EFNB2: variants seen among roughly 807,000 people sequenced by gnomAD.
EFNB2 encodes ephrin B2, also known as ephrin-B2.
In EFNB2, 5 loss-of-function variants were observed where a neutral mutation model predicts 32.1. The observed-to-expected ratio is 0.16, with a 90% CI of 0.08 to 0.33. The LOEUF (loss-of-function observed/expected upper bound fraction) is 0.33, where lower values mean the gene tolerates loss of function less well. Among genes scored for constraint, EFNB2 ranks in the 10% least tolerant of loss-of-function variants. The pLI is 1.00. For synonymous variants in EFNB2, 168 were observed against 166.5 expected (o/e 1.01, Z -0.07); for missense variants, 263 against 422.6 (o/e 0.62, Z 3.31).
At position 106,535,265 on chromosome 13, in the gene EFNB2, G is replaced by C. The variant is rs984367264; in HGVS notation, c.-301C>G. ...ACTCCCGTGCGGCTCCAGGGTGCCGGGCCGGCCGCGGCTGGCGGGTGGGCG... is the reference window on the plus strand; with the variant it reads ...ACTCCCGTGCGGCTCCAGGGTGCCGCGCCGGCCGCGGCTGGCGGGTGGGCG... On this transcript the variant is annotated 5_prime_UTR_variant, in exon 1 of 5. Transcript: ENST00000646441. The C allele has an allele frequency of 6.7e-6, 1 of 149,490 alleles. No homozygotes were observed. The highest frequency in any genetic ancestry group is 2.4e-5 in the African/African-American group (1 of 41,024). 9.3% of individuals were successfully genotyped at this position (149,490 alleles called of 1,614,324 possible). A position where few individuals can be genotyped will look rare whatever the true frequency, so the allele number is the denominator to read the frequency against.
chr13:106,534,965 G>T lies in EFNB2; in HGVS notation c.-1C>A. On this transcript the variant is annotated 5_prime_UTR_variant, in exon 1 of 5. Transcript: ENST00000646441. The stretch of plus-strand genomic sequence containing the variant: ...ACACGGAGTCCCTTCTCACAGCCAT[G>T]GCGAAGCCACTCCCAGCTCCGCGCA... The T allele has an allele frequency of 6.2e-7, 1 of 1,612,976 alleles. No homozygotes were observed. Among genetic ancestry groups the T allele is most frequent in the Non-Finnish European group, 8.5e-7 (1 of 1,179,418 alleles).
At chr13:106,508,185 G>T (rs1879022423) in intron 2 of EFNB2, among the ~76,000 whole-genome samples, 1 of 152,102 alleles carries the variant, frequency 6.6e-6, no homozygotes, top group Non-Finnish European at 1.5e-5. Context: ...CCTCTGAAAA[G>T]AAACTAAACC....
chr13:106,513,266 T>TA (rs1485469208), intron 1 of EFNB2, among the ~76,000 whole-genome samples: 1 of 152,234 alleles, frequency 6.6e-6, no homozygotes, highest in Non-Finnish European at 1.5e-5. Context: ...GTTGTCCTGT[T>TA]AGTTTCCCTG....
intron 2 of EFNB2, 133 bp from the exon 3 acceptor site, chr13:106,495,973 T>C (rs1477525008): frequency 1.1e-5 from 9 of 856,384 alleles, no homozygotes; most frequent in Non-Finnish European, 1.6e-5. Flanking sequence ...ACAAGTTTTC[T>C]GAAAGTATGG....
At chr13:106,522,292 C>T (rs1483101153) in intron 1 of EFNB2, among the ~76,000 whole-genome samples, 1 of 152,186 alleles carries the variant, frequency 6.6e-6, no homozygotes, top group African/African-American at 2.4e-5. Flanking sequence ...GGCTTCTTTC[C>T]CAACTGTAAT....
chr13:106,509,627 C>CTG (rs34068695), intron 2 of EFNB2, among the ~76,000 whole-genome samples: 11,826 of 142,524 alleles, frequency 0.083, 516 homozygotes, highest in South Asian at 0.16. Flanking sequence ...CAGAGCTTGA[C>CTG]TGTGTGTGTG....
At chr13:106,525,685 C>T (rs992962725) in intron 1 of EFNB2, among the ~76,000 whole-genome samples, 2 of 152,206 alleles carry the variant, frequency 1.3e-5, no homozygotes, top group Non-Finnish European at 2.9e-5. Flanking sequence ...GAGGCAAATG[C>T]CATTCCCTTC....
At position 106,535,018 on chromosome 13, in the gene EFNB2, C is replaced by A; in HGVS notation, c.-54G>T. ...CCGGGCCAAGAAGGGACTGACGGGA[C>A]GCAGGCTGGGACCCCCAATCCTCCG... On this transcript the variant is annotated 5_prime_UTR_variant, in exon 1 of 5. Coordinates refer to ENST00000646441, the MANE Select transcript of EFNB2 (RefSeq NM_004093.4). 1 of 1,603,154 alleles carries A rather than the reference C, an allele frequency of 6.2e-7. No homozygotes were observed.
chr13:106,534,761 C>T (rs1880005892), intron 1 of EFNB2, 82 bp downstream of exon 1: 2 of 1,483,536 alleles, frequency 1.3e-6, no homozygotes, highest in Non-Finnish European at 1.8e-6. Flanking sequence ...CTCCGAGGCC[C>T]CGCGGACTGA....
At chr13:106,528,464 G>A (rs1253459903) in intron 1 of EFNB2, among the ~76,000 whole-genome samples, 1 of 137,558 alleles carries the variant, frequency 7.3e-6, no homozygotes, top group Non-Finnish European at 1.5e-5. Flanking sequence ...GCCCTATGCT[G>A]CTCTTTAAAA....
At position 106,493,041 on chromosome 13, in the gene EFNB2, C is replaced by T. The variant is rs779399309; in HGVS notation, c.1001G>A (p.Ter334=). The T allele has an allele frequency of 5.6e-6, 9 of 1,607,102 alleles. No individual in the cohort carries two copies. Among genetic ancestry groups the T allele is most frequent in the Non-Finnish European group, 7.7e-6 (9 of 1,175,972 alleles). ...QSPANIYYKV[*] ...GCACAGGTACCACCAGGGTCCCTCT[C>T]AGACCTTGTAGTAAATGTTCGCCGG... Residue 334 remains the stop codon, a stop_retained_variant, in exon 5 of 5, where the codon TGA becomes TAA. Transcript: ENST00000646441. This position sits in a 1 kb window ranked among gnomAD's most constrained non-coding sequence, Gnocchi z 6.1.
At chr13:106,531,741 T>C (rs1879878103) in intron 1 of EFNB2, among the ~76,000 whole-genome samples, 2 of 151,298 alleles carry the variant, frequency 1.3e-5, no homozygotes, top group South Asian at 4.2e-4. Context: ...AGTCAATTAG[T>C]ATCAGGAATC....
chr13:106,497,426 A>G (rs1026057346), intron 2 of EFNB2, among the ~76,000 whole-genome samples: 2 of 150,906 alleles, frequency 1.3e-5, no homozygotes, highest in Admixed American at 1.3e-4. Context: ...AGATACAAAC[A>G]TTGTAGACCA....
chr13:106,518,554 G>A lies in EFNB2; in HGVS notation c.123-5742C>T, dbSNP rs756669481. ...TCATTCACAGACCAGACCATGGCAC[G>A]TTGGGATGTCAAGTCTGGACTTTTC... On this transcript the variant is annotated intron_variant, in intron 1 of 4. Coordinates refer to ENST00000646441, the MANE Select transcript of EFNB2 (RefSeq NM_004093.4). This position sits in a 1 kb window ranked among gnomAD's most constrained non-coding sequence, Gnocchi z 4.1. 1.3e-4 allele frequency: 20 copies of A among 152,192 alleles called. No homozygotes were observed. Among genetic ancestry groups the A allele is most frequent in the Admixed American group, 9.2e-4 (14 of 15,282 alleles). 9.4% of individuals were successfully genotyped at this position (152,192 alleles called of 1,614,324 possible). A position where few individuals can be genotyped will look rare whatever the true frequency, so the allele number is the denominator to read the frequency against.
intron 2 of EFNB2, among the ~76,000 whole-genome samples, chr13:106,509,063 T>C (rs2138916762): frequency 6.6e-6 from 1 of 152,342 alleles, no homozygotes; most frequent in South Asian, 2.1e-4. Context: ...GGCTTGAAAC[T>C]GGAGGAGACC....
rs375246343 is a variant in EFNB2, at chr13:106,493,451, G to T, written c.614-23C>A. Reference sequence around the variant, plus strand: ...AACCTGCAGACGCGGAGACAGAAAAGGTCAGAGATAGTTACTGCTGTCCCA... The same window carrying T: ...AACCTGCAGACGCGGAGACAGAAAATGTCAGAGATAGTTACTGCTGTCCCA... On this transcript the variant is annotated intron_variant, in intron 4 of 4. Transcript: ENST00000646441. This position sits in a 1 kb window ranked among gnomAD's most constrained non-coding sequence, Gnocchi z 6.1. 1.9e-6 allele frequency: 3 copies of T among 1,589,864 alleles called. No homozygotes were observed. The highest frequency in any genetic ancestry group is 2.2e-5 in the East Asian group (1 of 44,600).
intron 1 of EFNB2, among the ~76,000 whole-genome samples, chr13:106,514,001 A>G (rs1879231451): frequency 6.6e-6 from 1 of 152,206 alleles, no homozygotes; most frequent in Non-Finnish European, 1.5e-5. Context: ...AATTTTCTGA[A>G]AAGTGCATGA....
At chr13:106,500,487 T>C (rs549411453) in intron 2 of EFNB2, among the ~76,000 whole-genome samples, 1 of 152,280 alleles carries the variant, frequency 6.6e-6, no homozygotes, top group African/African-American at 2.4e-5. Flanking sequence ...GGGGCCAGGA[T>C]GGAGGAGAGG....
At chr13:106,494,850 A>T (rs1449303446) in intron 4 of EFNB2, 31 bp downstream of exon 4, 1 of 1,525,176 alleles carries the variant, frequency 6.6e-7, no homozygotes, top group Non-Finnish European at 9.1e-7. Context: ...GTACCCACAG[A>T]CCTCCATACA....
Sources: gnomAD v4.1 joint callset for allele counts (sites outside exome capture counted in the v4.1 genomes callset) on GRCh38, gnomAD v4.1.1 for gene constraint, Gnocchi (gnomAD v3.1) non-coding constraint, MANE v1.5 for transcripts, NCBI Gene and HGNC (gene_info 2026-07-23, HGNC 2026-07-21) for gene names.